Variants in MIS18A observed in about 807,000 individuals in gnomAD.
MIS18A encodes the protein protein Mis18-alpha.
Under a neutral mutation model 25.0 loss-of-function variants are expected in MIS18A, and 14 were observed. The observed-to-expected ratio is 0.56, with a 90% CI of 0.37 to 0.88. The LOEUF is 0.88. Among genes scored for constraint, MIS18A ranks in the 40% least tolerant of loss-of-function variants. The probability of loss-of-function intolerance (pLI) is 0.00; values close to 1 mark genes in which losing one functional copy is unlikely to be tolerated. For synonymous variants in MIS18A, 134 were observed against 118.6 expected, an observed-to-expected ratio of 1.13 and a Z score of -0.84; for missense variants, 292 against 290.8, an observed-to-expected ratio of 1.00 and a Z score of -0.03.
At chr21:32,234,305 G>A in the MIS18A span, among the ~76,000 whole-genome samples, 4 of 152,190 alleles carry the variant, frequency 2.6e-5, no homozygotes, top group Non-Finnish European at 5.9e-5. Flanking sequence ...TGATGCTGAG[G>A]ATGCTGGAGT....
At chr21:32,276,035 A>G (rs538199614) in intron 1 of MIS18A, among the ~76,000 whole-genome samples, 1 of 152,158 alleles carries the variant, frequency 6.6e-6, no homozygotes, top group Admixed American at 6.5e-5. Context: ...AACAGACTAC[A>G]ACGCCTTGCA....
chr21:32,162,604 A>G, the MIS18A span, among the ~76,000 whole-genome samples: 2 of 152,200 alleles, frequency 1.3e-5, no homozygotes, highest in African/African-American at 4.8e-5. Context: ...TTGTTCAAGT[A>G]TAGCTCTTAC....
the MIS18A span, among the ~76,000 whole-genome samples, chr21:32,194,828 G>A: frequency 5.9e-5 from 9 of 152,078 alleles, no homozygotes; most frequent in Non-Finnish European, 1.2e-4. Context: ...CTTACAAGTG[G>A]GAGCTAAACA....
the MIS18A span, among the ~76,000 whole-genome samples, chr21:32,165,023 T>C: frequency 6.6e-6 from 1 of 152,166 alleles, no homozygotes; most frequent in Admixed American, 6.5e-5. Flanking sequence ...TGCCAATAGA[T>C]AGAGGATACA....
chr21:32,186,957 G>A, the MIS18A span, among the ~76,000 whole-genome samples: 5 of 152,150 alleles, frequency 3.3e-5, no homozygotes, highest in African/African-American at 4.8e-5. Context: ...TTATTAGGCT[G>A]AGTTGGCCTC....
intron 2 of MIS18A, among the ~76,000 whole-genome samples, chr21:32,271,594 C>T (rs1601077684): frequency 1.3e-5 from 2 of 152,286 alleles, no homozygotes; most frequent in African/African-American, 4.8e-5. Context: ...TAAGTGTCTA[C>T]GGGCTTTTAT....
downstream of MIS18A, among the ~76,000 whole-genome samples, chr21:32,265,572 G>T (rs1426666955): frequency 6.6e-6 from 1 of 152,226 alleles, no homozygotes; most frequent in African/African-American, 2.4e-5. Flanking sequence ...TTCCCGCGGG[G>T]CAGGGCTCAG....
At chr21:32,236,103 G>A in the MIS18A span, among the ~76,000 whole-genome samples, 2 of 151,968 alleles carry the variant, frequency 1.3e-5, no homozygotes, top group South Asian at 2.1e-4. Flanking sequence ...GGCCGGGTAC[G>A]GTGGCTCACG....
the MIS18A span, among the ~76,000 whole-genome samples, chr21:32,164,480 G>A: frequency 6.6e-6 from 1 of 152,158 alleles, no homozygotes; most frequent in South Asian, 2.1e-4. Context: ...ATTTAATATA[G>A]TGTGTTACCC....
At chr21:32,261,218 A>T in the MIS18A span, 1 of 152,348 alleles carries the variant, frequency 6.6e-6, no homozygotes, top group South Asian at 2.1e-4. Context: ...GCAATCAAGA[A>T]GAAAATGTTA....
the MIS18A span, among the ~76,000 whole-genome samples, chr21:32,220,462 C>A: frequency 1.3e-5 from 2 of 152,150 alleles, no homozygotes; most frequent in African/African-American, 2.4e-5. Context: ...CACGCAAAAA[C>A]CCCATCCGAA....
the MIS18A span, among the ~76,000 whole-genome samples, chr21:32,167,360 A>T: frequency 6.6e-6 from 1 of 152,244 alleles, no homozygotes; most frequent in African/African-American, 2.4e-5. Context: ...TATAGATTTT[A>T]AAATAACTGT....
chr21:32,191,669 C>A, the MIS18A span, among the ~76,000 whole-genome samples: 1 of 152,146 alleles, frequency 6.6e-6, no homozygotes, highest in Admixed American at 6.5e-5. Flanking sequence ...TTTGGGAGGT[C>A]AAGGCGGGTG....
chr21:32,205,751 T>C, the MIS18A span, among the ~76,000 whole-genome samples: 1 of 152,232 alleles, frequency 6.6e-6, no homozygotes, highest in African/African-American at 2.4e-5. Flanking sequence ...GTTGGCTGCC[T>C]GAGGGGGTTG....
chr21:32,278,727 C>G lies in MIS18A; in HGVS notation c.288G>C (p.Leu96=), dbSNP rs775368906. Reference sequence around the variant, plus strand: ...TGTCCTCCTGGCTGGCCACCCAGCTCAGCGAGTCGCCCAGCGGCCGCCGGC... The same window carrying G: ...TGTCCTCCTGGCTGGCCACCCAGCTGAGCGAGTCGCCCAGCGGCCGCCGGC... ...SGCRRPLGDS[L]SWVASQEDTN... Residue 96 remains leucine (L), a synonymous_variant, in exon 1 of 5, where the codon CTG becomes CTC. Coordinates refer to ENST00000290130, the MANE Select transcript of MIS18A (RefSeq NM_018944.3). The G allele has an allele frequency of 2.5e-5, 39 of 1,581,158 alleles. No homozygotes were observed. Among genetic ancestry groups the G allele is most frequent in the Admixed American group, 3.5e-5 (2 of 56,624 alleles).
the MIS18A span, among the ~76,000 whole-genome samples, chr21:32,251,165 T>C: frequency 6.6e-6 from 1 of 152,178 alleles, no homozygotes; most frequent in Non-Finnish European, 1.5e-5. Flanking sequence ...TTTTCCTCTA[T>C]AATTTACCCA....
the MIS18A span, among the ~76,000 whole-genome samples, chr21:32,195,975 G>T: frequency 2.6e-5 from 4 of 151,732 alleles, no homozygotes; most frequent in South Asian, 8.3e-4. Flanking sequence ...AGCTGAGATT[G>T]TTCCACTGCA....
the MIS18A span, among the ~76,000 whole-genome samples, chr21:32,179,654 C>T: frequency 1.6e-3 from 246 of 152,296 alleles, no homozygotes; most frequent in African/African-American, 5.8e-3. Context: ...CTGCTATGTA[C>T]TGAGAGTTTC....
chr21:32,272,140 C>T (rs2031726352), intron 2 of MIS18A, among the ~76,000 whole-genome samples: 1 of 152,192 alleles, frequency 6.6e-6, no homozygotes, highest in Non-Finnish European at 1.5e-5. Flanking sequence ...CCAGCATTCA[C>T]CCCTTTCATT....
Sources: gnomAD v4.1 joint callset for allele counts (sites outside exome capture counted in the v4.1 genomes callset) on GRCh38, gnomAD v4.1.1 for gene constraint, MANE v1.5 for transcripts, NCBI Gene and HGNC (gene_info 2026-07-23, HGNC 2026-07-21) for gene names.